The following RPS6KA5 variants were observed in gnomAD, a reference collection of about 807,000 sequenced individuals.
RPS6KA5 encodes the protein ribosomal protein S6 kinase A5.
In RPS6KA5, 27 loss-of-function variants were observed where a neutral mutation model predicts 85.5. The ratio of observed to expected loss-of-function variants is 0.32; its 90% confidence interval spans 0.23 to 0.44. The LOEUF is 0.44. Ranked by LOEUF, RPS6KA5 falls within the 20% of genes least tolerant of loss-of-function variation. RPS6KA5 has a pLI of 1.00. For missense variants in RPS6KA5, 811 were observed against 980.9 expected (o/e 0.83, Z 2.31); for synonymous variants, 334 against 348.2 (o/e 0.96, Z 0.46).
chr14:90,928,097 T>C (rs1174952112), intron 5 of RPS6KA5, among the ~76,000 whole-genome samples: 1 of 151,916 alleles, frequency 6.6e-6, no homozygotes, highest in African/African-American at 2.4e-5. Flanking sequence ...CTGGCTAATT[T>C]TTGTACTTTT....
In RPS6KA5 at chr14:90,864,594, A is replaced by T. The variant is rs1233329537; in HGVS notation, c.*7480T>A. On this transcript the variant is annotated 3_prime_UTR_variant, in exon 17 of 17. Coordinates refer to ENST00000614987, the MANE Select transcript of RPS6KA5 (RefSeq NM_004755.4). ...CAAAGGAAAGCACTTAGAAAGTAGA[A>T]AAGCAAACTAAAGAGAAGACATTTA... is the stretch of plus-strand genomic sequence containing the variant. The T allele has an allele frequency of 2.0e-5, 3 of 152,226 alleles. No individual in the cohort carries two copies. Among genetic ancestry groups the T allele is most frequent in the Non-Finnish European group, 1.5e-5 (1 of 68,036 alleles). The allele number at this position is 152,226 out of a possible 1,614,324, so 9.4% of individuals were successfully genotyped here. A position where few individuals can be genotyped will look rare whatever the true frequency, so the allele number is the denominator to read the frequency against.
intron 2 of RPS6KA5, among the ~76,000 whole-genome samples, chr14:90,988,909 C>T (rs1235817177): frequency 6.6e-6 from 1 of 152,180 alleles, no homozygotes; most frequent in South Asian, 2.1e-4. Context: ...CTTGTAAATG[C>T]TAACAAAATT....
At chr14:90,923,739 G>A (rs2036522034) in intron 5 of RPS6KA5, among the ~76,000 whole-genome samples, 1 of 151,940 alleles carries the variant, frequency 6.6e-6, no homozygotes, top group Non-Finnish European at 1.5e-5. Context: ...ACCATCTTGT[G>A]TAGGTTTGAC....
intron 3 of RPS6KA5, among the ~76,000 whole-genome samples, chr14:90,962,507 G>A (rs1055967049): frequency 4.6e-5 from 7 of 151,878 alleles, no homozygotes; most frequent in Non-Finnish European, 8.8e-5. Flanking sequence ...GGCTGGTCTC[G>A]AACTCCTGAC....
At chr14:90,923,397 A>G (rs1052397020) in intron 5 of RPS6KA5, among the ~76,000 whole-genome samples, 1 of 152,062 alleles carries the variant, frequency 6.6e-6, no homozygotes, top group African/African-American at 2.4e-5. Context: ...CCATCCCATC[A>G]GAAAGACTTC....
intron 15 of RPS6KA5, 93 bp from the exon 16 acceptor site, chr14:90,873,888 C>A: frequency 9.1e-7 from 1 of 1,098,252 alleles, no homozygotes; most frequent in South Asian, 1.5e-5. Flanking sequence ...GTTCACATGA[C>A]ATAATGGTTT....
rs746013948 is a variant in RPS6KA5 at position 91,001,166 on chromosome 14, GA to G, written c.104-8del. On this transcript the variant is annotated splice_region_variant and splice_polypyrimidine_tract_variant and intron_variant, in intron 1 of 16. Transcript: ENST00000614987. ...GCATGTCCTGTCAAATTAGCTAAAAGAAAAAAAGAGGAAAAAAAAAACAAGA... is the reference window on the plus strand; with the variant it reads ...GCATGTCCTGTCAAATTAGCTAAAAGAAAAAAGAGGAAAAAAAAAACAAGA... The G allele has an allele frequency of 1.3e-6, 2 of 1,564,382 alleles. No individual in the cohort carries two copies. The highest frequency in any genetic ancestry group is 1.7e-6 in the Non-Finnish European group (2 of 1,153,900).
In RPS6KA5 at chr14:90,854,121, CTAAGA is replaced by C. The variant is rs1485749812; in HGVS notation, c.*17948_*17952del. The C allele has an allele frequency of 7.9e-5, 12 of 152,250 alleles. No individual in the cohort carries two copies. Among genetic ancestry groups the C allele is most frequent in the South Asian group, 2.1e-4 (1 of 4,828 alleles). 9.4% of individuals were successfully genotyped at this position (152,250 alleles called of 1,614,324 possible). A position where few individuals can be genotyped will look rare whatever the true frequency, so the allele number is the denominator to read the frequency against. On this transcript the variant is annotated 3_prime_UTR_variant, in exon 17 of 17. Coordinates refer to ENST00000614987, the MANE Select transcript of RPS6KA5 (RefSeq NM_004755.4). The stretch of plus-strand genomic sequence containing the variant: ...AAAATAGAATATTTTTTCCTCTAAA[CTAAGA>C]TATCTGTTTATATAGACTATTGATG...
At chr14:91,004,240 C>T (rs1310351893) in intron 1 of RPS6KA5, among the ~76,000 whole-genome samples, 1 of 152,202 alleles carries the variant, frequency 6.6e-6, no homozygotes, top group African/African-American at 2.4e-5. Flanking sequence ...CGCCCGCCAC[C>T]ACGCCCGGCT....
intron 2 of RPS6KA5, among the ~76,000 whole-genome samples, chr14:90,986,028 CT>C (rs2040040934): frequency 6.6e-6 from 1 of 152,138 alleles, no homozygotes. Context: ...AGTATTCAGA[CT>C]ACTTAAAATC....
At chr14:90,880,277 T>A (rs2033751168) in intron 14 of RPS6KA5, among the ~76,000 whole-genome samples, 4 of 152,130 alleles carry the variant, frequency 2.6e-5, no homozygotes, top group African/African-American at 9.7e-5. Context: ...AAATAATAAC[T>A]CCCCATTCTC....
chr14:91,056,523 G>A (rs536677061), intron 1 of RPS6KA5, among the ~76,000 whole-genome samples: 6 of 152,120 alleles, frequency 3.9e-5, no homozygotes, highest in Non-Finnish European at 7.4e-5. Flanking sequence ...CACAGTAGTG[G>A]GGAAGAATAA....
intron 12 of RPS6KA5, among the ~76,000 whole-genome samples, chr14:90,896,888 T>A (rs1005828929): frequency 6.6e-6 from 1 of 151,936 alleles, no homozygotes; most frequent in East Asian, 1.9e-4. Flanking sequence ...GCCTGACTAA[T>A]TTTTTGTATT....
In RPS6KA5 at chr14:90,853,387, AC is replaced by A; in HGVS notation, c.*18686del. ...ACTAAGATCTCCCATTAAGACATCA[AC>A]AATGAAGTGGCTAATAAAAAAGTAA... On this transcript the variant is annotated 3_prime_UTR_variant, in exon 17 of 17. Transcript: ENST00000614987. 6.6e-6 allele frequency: 1 copy of A among 152,338 alleles called. No homozygotes were observed. Among genetic ancestry groups the A allele is most frequent in the South Asian group, 2.1e-4 (1 of 4,832 alleles). 9.4% of individuals were successfully genotyped at this position (152,338 alleles called of 1,614,324 possible). A position where few individuals can be genotyped will look rare whatever the true frequency, so the allele number is the denominator to read the frequency against.
intron 14 of RPS6KA5, among the ~76,000 whole-genome samples, chr14:90,883,425 T>C (rs1298741532): frequency 2.6e-5 from 4 of 152,198 alleles, no homozygotes; most frequent in African/African-American, 7.2e-5. Context: ...AAACCCTCTA[T>C]TGAATTTTTC....
At chr14:90,936,134 C>T (rs959503321) in intron 5 of RPS6KA5, among the ~76,000 whole-genome samples, 2 of 152,156 alleles carry the variant, frequency 1.3e-5, no homozygotes, top group African/African-American at 4.8e-5. Context: ...TTCAGAATCT[C>T]AAGAGCTTGA....
Position 90,873,698 on chromosome 14 carries a change from C to G in RPS6KA5, c.2094G>C (p.Leu698=). 6.2e-7 allele frequency: 1 copy of G among 1,614,140 alleles called. No individual in the cohort carries two copies. The change falls in exon 16 of 17, where the codon CTG becomes CTC. Residue 698 remains leucine, a synonymous_variant. Coordinates refer to ENST00000614987, the MANE Select transcript of RPS6KA5 (RefSeq NM_004755.4). ...QDGSQLSSNP[L]MTPDILGSSG... ...AAGATCCTAGAATATCCGGAGTCAT[C>G]AGAGGATTGGAGGACAGCTGACTTC...
At chr14:90,943,287 C>A in intron 4 of RPS6KA5, 102 bp from the exon 5 acceptor site, 2 of 643,362 alleles carry the variant, frequency 3.1e-6, no homozygotes, top group Non-Finnish European at 2.6e-6. Context: ...TTTTTTAAGG[C>A]ATTTCCCTCC....
At position 90,864,960 on chromosome 14, in the gene RPS6KA5, G is replaced by T. The variant is rs1280130228; in HGVS notation, c.*7114C>A. 1 of 152,196 alleles carries T rather than the reference G, an allele frequency of 6.6e-6. No homozygotes were observed. Among genetic ancestry groups the T allele is most frequent in the African/African-American group, 2.4e-5 (1 of 41,448 alleles). 9.4% of individuals were successfully genotyped at this position (152,196 alleles called of 1,614,324 possible). Reference sequence around the variant, plus strand: ...TAGAACACTTACACATTATTGGTGGGTATGTAAATTGGTACAACCATTGTT... The same window carrying T: ...TAGAACACTTACACATTATTGGTGGTTATGTAAATTGGTACAACCATTGTT... On this transcript the variant is annotated 3_prime_UTR_variant, in exon 17 of 17. Transcript: ENST00000614987.
Sources: gnomAD v4.1 joint callset for allele counts (sites outside exome capture counted in the v4.1 genomes callset) on GRCh38, gnomAD v4.1.1 for gene constraint, MANE v1.5 for transcripts, NCBI Gene and HGNC (gene_info 2026-07-23, HGNC 2026-07-21) for gene names.